The following SLC5A7 variants were observed in gnomAD, a reference collection of about 807,000 sequenced individuals.
The protein encoded by SLC5A7 is solute carrier family 5 member 7, also known as high affinity choline transporter 1.
A neutral mutation model predicts 55.4 loss-of-function variants in SLC5A7; 19 were observed. The observed-to-expected ratio is 0.34, with a 90% CI of 0.24 to 0.50. The LOEUF is 0.50. SLC5A7 is among the 20% of genes least tolerant of loss of function. SLC5A7 has a pLI of 0.98. For synonymous variants in SLC5A7, 265 were observed against 263.7 expected (o/e 1.00, Z -0.05); for missense variants, 506 against 705.3 (o/e 0.72, Z 3.20).
At chr2:108,009,956 C>T (rs979833698) in intron 8 of SLC5A7, among the ~76,000 whole-genome samples, 3 of 152,142 alleles carry the variant, frequency 2.0e-5, no homozygotes, top group Admixed American at 2.0e-4. Flanking sequence ...CATGTTAGCT[C>T]ATCCTGCCTT....
chr2:107,993,228 T>A, intron 4 of SLC5A7, 101 bp downstream of exon 4: 4 of 1,297,890 alleles, frequency 3.1e-6, no homozygotes, highest in Non-Finnish European at 4.3e-6. Context: ...GACATTTTTA[T>A]TAAAACCATA....
chr2:108,006,297 T>C, intron 7 of SLC5A7, 95 bp downstream of exon 7: 3 of 1,407,976 alleles, frequency 2.1e-6, no homozygotes, highest in Non-Finnish European at 2.9e-6. Context: ...CTCCACATAG[T>C]GAATTCTTTC....
In SLC5A7 at chr2:108,010,593, T is replaced by C; in HGVS notation, c.1475T>C (p.Ile492Thr). The C allele has an allele frequency of 1.2e-6, 2 of 1,613,958 alleles. No individual in the cohort carries two copies. Among genetic ancestry groups the C allele is most frequent in the Middle Eastern group, 1.7e-4 (1 of 6,052 alleles). The change falls in exon 9 of 9, where the codon ATT becomes ACT. Residue 492 changes from isoleucine (I) to threonine (T), a missense_variant. Ile to Thr is a moderately conservative substitution (Grantham distance 89). Transcript: ENST00000264047. ...LAMVTSFLTN[I>T]CISYLAKYLF... ...ATGGTTACATCATTCTTAACCAACA[T>C]TTGCATCTCCTATCTAGCCAAGTAT...
chr2:108,008,749 G>T, intron 8 of SLC5A7, 67 bp downstream of exon 8: 1 of 1,195,356 alleles, frequency 8.4e-7, no homozygotes, highest in East Asian at 2.4e-5. Flanking sequence ...TGTTGTATTT[G>T]TTGTATATAC....
chr2:107,999,177 G>A (rs539146092), intron 5 of SLC5A7, among the ~76,000 whole-genome samples: 4 of 152,204 alleles, frequency 2.6e-5, no homozygotes, highest in Non-Finnish European at 5.9e-5. Flanking sequence ...ATTTGCTCAA[G>A]GACTCCCACT....
intron 5 of SLC5A7, among the ~76,000 whole-genome samples, chr2:108,001,146 CCCT>C: frequency 6.6e-6 from 1 of 151,898 alleles, no homozygotes; most frequent in East Asian, 1.9e-4. Context: ...CACATCCCTC[CCCT>C]CCTCCCCCCA....
At chr2:107,990,635 T>G (rs1395058617) in intron 2 of SLC5A7, among the ~76,000 whole-genome samples, 2 of 152,216 alleles carry the variant, frequency 1.3e-5, no homozygotes, top group Non-Finnish European at 2.9e-5. Context: ...TGGGAGTGAT[T>G]GCTAAATACG....
intron 2 of SLC5A7, among the ~76,000 whole-genome samples, chr2:107,990,341 C>T (rs778125219): frequency 6.6e-6 from 1 of 152,182 alleles, no homozygotes; most frequent in Non-Finnish European, 1.5e-5. Flanking sequence ...TAGACTTACA[C>T]AATGACGAAT....
intron 5 of SLC5A7, among the ~76,000 whole-genome samples, chr2:108,001,205 A>ATG (rs1238637758): frequency 2.7e-5 from 4 of 148,458 alleles, no homozygotes; most frequent in Non-Finnish European, 5.9e-5. Flanking sequence ...GTATCTATTT[A>ATG]TGTATGTGTG....
intron 4 of SLC5A7, among the ~76,000 whole-genome samples, chr2:107,994,387 T>A (rs1015378051): frequency 6.6e-6 from 1 of 151,998 alleles, no homozygotes; most frequent in Non-Finnish European, 1.5e-5. Context: ...ATCGAGACCA[T>A]CCTGGCCAAC....
At chr2:108,001,455 C>T (rs969597215) in intron 5 of SLC5A7, among the ~76,000 whole-genome samples, 1 of 151,832 alleles carries the variant, frequency 6.6e-6, no homozygotes, top group Non-Finnish European at 1.5e-5. Context: ...GGGCGGATCA[C>T]GAGGTCAGGA....
intron 2 of SLC5A7, among the ~76,000 whole-genome samples, chr2:107,990,207 T>G (rs571375070): frequency 8.9e-4 from 136 of 152,342 alleles, no homozygotes; most frequent in Non-Finnish European, 1.7e-3. Flanking sequence ...AATACTGTTA[T>G]AGAAGAGACT....
At chr2:108,003,448 A>G (rs1176169619) in intron 6 of SLC5A7, among the ~76,000 whole-genome samples, 1 of 152,220 alleles carries the variant, frequency 6.6e-6, no homozygotes, top group African/African-American at 2.4e-5. Flanking sequence ...AGTCATATTC[A>G]TGATTCAAAT....
At chr2:108,003,310 A>G (rs1167495821) in intron 6 of SLC5A7, among the ~76,000 whole-genome samples, 1 of 152,256 alleles carries the variant, frequency 6.6e-6, no homozygotes, top group Non-Finnish European at 1.5e-5. Context: ...AGATTGATAT[A>G]GAATATTAAG....
chr2:107,997,423 C>T (rs1303973857), intron 4 of SLC5A7, among the ~76,000 whole-genome samples: 2 of 152,148 alleles, frequency 1.3e-5, no homozygotes, highest in Non-Finnish European at 2.9e-5. Context: ...TGAAGTTGCA[C>T]AACAGTGAAA....
At chr2:107,987,531 T>C (rs1359590708) in intron 1 of SLC5A7, among the ~76,000 whole-genome samples, 2 of 151,972 alleles carry the variant, frequency 1.3e-5, no homozygotes, top group East Asian at 3.9e-4. Context: ...AATGTGGAGT[T>C]TGATGTGTTT....
intron 5 of SLC5A7, among the ~76,000 whole-genome samples, chr2:108,000,437 T>C (rs1197211502): frequency 1.3e-5 from 2 of 151,914 alleles, no homozygotes; most frequent in African/African-American, 2.4e-5. Flanking sequence ...CAAATATAAT[T>C]TTTAAAAAAT....
intron 1 of SLC5A7, among the ~76,000 whole-genome samples, 163 bp downstream of exon 1, chr2:107,986,926 A>G (rs936737261): frequency 4.0e-5 from 6 of 151,882 alleles, no homozygotes; most frequent in Non-Finnish European, 7.4e-5. Context: ...TCAGGGTGCA[A>G]GAGGCTACAA....
chr2:107,987,117 A>G (rs1677275534), intron 1 of SLC5A7, among the ~76,000 whole-genome samples: 1 of 151,864 alleles, frequency 6.6e-6, no homozygotes. Context: ...CTTTCCCCCA[A>G]CGTCTCTTCA....
Sources: gnomAD v4.1 joint callset for allele counts (sites outside exome capture counted in the v4.1 genomes callset) on GRCh38, gnomAD v4.1.1 for gene constraint, MANE v1.5 for transcripts, NCBI Gene and HGNC (gene_info 2026-07-23, HGNC 2026-07-21) for gene names.